KATNIP: variants seen among roughly 807,000 people sequenced by gnomAD.
KATNIP encodes the protein katanin interacting protein, also known as katanin-interacting protein.
KATNIP carries 126 observed loss-of-function variants against 174.0 expected under a neutral mutation model. The observed-to-expected ratio is 0.72, with a 90% CI of 0.63 to 0.84. The LOEUF (loss-of-function observed/expected upper bound fraction) is 0.84, where lower values mean the gene tolerates loss of function less well. Ranked by LOEUF, KATNIP falls within the 40% of genes least tolerant of loss-of-function variation. The pLI is 0.00. For missense variants in KATNIP, 1,958 were observed against 2,109.7 expected (o/e 0.93, Z 1.41); for synonymous variants, 810 against 835.7 (o/e 0.97, Z 0.53).
At chr16:27,591,889 G>GA (rs2075180928) in intron 2 of KATNIP, among the ~76,000 whole-genome samples, 1 of 152,078 alleles carries the variant, frequency 6.6e-6, no homozygotes, top group Admixed American at 6.6e-5. Context: ...CCTTGTAGAG[G>GA]ACCTTTACCT....
chr16:27,572,245 C>T (rs2141691679), intron 1 of KATNIP, among the ~76,000 whole-genome samples: 1 of 151,952 alleles, frequency 6.6e-6, no homozygotes, highest in South Asian at 2.1e-4. Context: ...GCAAAACGCC[C>T]ATCTCTATAA....
At chr16:27,623,038 G>A (rs2076239708) in intron 3 of KATNIP, among the ~76,000 whole-genome samples, 1 of 152,164 alleles carries the variant, frequency 6.6e-6, no homozygotes, top group African/African-American at 2.4e-5. Context: ...GTTCTGGGGA[G>A]GAATGGCAGG....
intron 14 of KATNIP, among the ~76,000 whole-genome samples, chr16:27,738,112 A>G (rs1414603927): frequency 2.0e-5 from 3 of 152,210 alleles, no homozygotes; most frequent in African/African-American, 7.2e-5. Flanking sequence ...GAAAGGAACT[A>G]TCAGTTCCCA....
At chr16:27,586,713 C>T (rs1177826223) in intron 2 of KATNIP, among the ~76,000 whole-genome samples, 1 of 151,664 alleles carries the variant, frequency 6.6e-6, no homozygotes, top group African/African-American at 2.4e-5. Flanking sequence ...CCTGTAGTCC[C>T]AGCTACTTGG....
chr16:27,731,770 C>T (rs933464949), intron 14 of KATNIP, among the ~76,000 whole-genome samples: 16 of 152,174 alleles, frequency 1.1e-4, no homozygotes, highest in African/African-American at 3.6e-4. Flanking sequence ...ATGTGTGTGC[C>T]CCTACACAGG....
At chr16:27,765,361 C>T (rs1300449275) in intron 19 of KATNIP, among the ~76,000 whole-genome samples, 1 of 152,190 alleles carries the variant, frequency 6.6e-6, no homozygotes, top group African/African-American at 2.4e-5. Context: ...AGCAAGGGAA[C>T]CAGAAACTGG....
chr16:27,696,253 A>G (rs1687456229), intron 8 of KATNIP, among the ~76,000 whole-genome samples: 1 of 152,228 alleles, frequency 6.6e-6, no homozygotes, highest in Non-Finnish European at 1.5e-5. Context: ...CCTTCTTCCT[A>G]ACATTATATA....
chr16:27,628,541 C>T (rs2076395187), intron 3 of KATNIP, 120 bp from the exon 4 acceptor site: 4 of 1,082,358 alleles, frequency 3.7e-6, no homozygotes, highest in African/African-American at 3.2e-5. Flanking sequence ...TGGGCACACG[C>T]CCCCTGGGCT....
chr16:27,559,347 C>T (rs1028429899), intron 1 of KATNIP, among the ~76,000 whole-genome samples: 14 of 152,130 alleles, frequency 9.2e-5, no homozygotes, highest in African/African-American at 2.7e-4. Context: ...TTTTACACTG[C>T]GCTGTACAGT....
intron 8 of KATNIP, among the ~76,000 whole-genome samples, chr16:27,690,263 C>T (rs943592898): frequency 1.3e-5 from 2 of 151,576 alleles, no homozygotes; most frequent in Non-Finnish European, 2.9e-5. Flanking sequence ...CTGCAGTGAG[C>T]CATACTCATT....
At chr16:27,563,106 C>G (rs1414831131) in intron 1 of KATNIP, among the ~76,000 whole-genome samples, 1 of 152,212 alleles carries the variant, frequency 6.6e-6, no homozygotes, top group African/African-American at 2.4e-5. Flanking sequence ...ATAGCAGCCT[C>G]TGGTTTCATG....
At chr16:27,610,221 G>A (rs1366849204) in intron 2 of KATNIP, among the ~76,000 whole-genome samples, 1 of 152,160 alleles carries the variant, frequency 6.6e-6, no homozygotes, top group Non-Finnish European at 1.5e-5. Flanking sequence ...CAGAAGGCAG[G>A]GAGGAGGCAA....
chr16:27,647,791 C>T (rs893814315), intron 5 of KATNIP, among the ~76,000 whole-genome samples: 1 of 152,080 alleles, frequency 6.6e-6, no homozygotes, highest in African/African-American at 2.4e-5. Flanking sequence ...AGGTGTGAGG[C>T]ACCATGCCCC....
chr16:27,614,639 C>T (rs1324808086), intron 2 of KATNIP, among the ~76,000 whole-genome samples: 2 of 152,068 alleles, frequency 1.3e-5, no homozygotes, highest in East Asian at 3.8e-4. Context: ...CTTATAATTT[C>T]ATTATGTCAC....
intron 15 of KATNIP, among the ~76,000 whole-genome samples, chr16:27,742,682 G>A (rs1398696736): frequency 6.6e-6 from 1 of 152,164 alleles, no homozygotes; most frequent in African/African-American, 2.4e-5. Flanking sequence ...GAGAATAAAT[G>A]AGATCATACT....
intron 6 of KATNIP, among the ~76,000 whole-genome samples, chr16:27,676,534 A>G (rs528799237): frequency 4.6e-4 from 70 of 152,218 alleles, no homozygotes; most frequent in African/African-American, 1.1e-3. Context: ...TGCAATAACT[A>G]TTAGGTTTAT....
At chr16:27,706,489 CT>C (rs1312705307) in intron 12 of KATNIP, among the ~76,000 whole-genome samples, 1 of 152,116 alleles carries the variant, frequency 6.6e-6, no homozygotes, top group Non-Finnish European at 1.5e-5. Context: ...ATCAAGTGGT[CT>C]CAGCAAGAGC....
At chr16:27,757,612 G>T (rs2143949460) in intron 18 of KATNIP, 1 of 700,126 alleles carries the variant, frequency 1.4e-6, no homozygotes, top group East Asian at 1.3e-4. Context: ...TTACTGCAAG[G>T]CAAGTGTAAT....
chr16:27,563,641 A>C (rs957220848), intron 1 of KATNIP, among the ~76,000 whole-genome samples: 4 of 152,140 alleles, frequency 2.6e-5, no homozygotes, highest in African/African-American at 9.7e-5. Flanking sequence ...TCTTTTCTGC[A>C]TGCACAGGGA....
Sources: gnomAD v4.1 joint callset for allele counts (sites outside exome capture counted in the v4.1 genomes callset) on GRCh38, gnomAD v4.1.1 for gene constraint, MANE v1.5 for transcripts, NCBI Gene and HGNC (gene_info 2026-07-23, HGNC 2026-07-21) for gene names.